The following MEI4 variants were observed in gnomAD, a reference collection of about 807,000 sequenced individuals.
MEI4 encodes meiosis-specific protein MEI4.
In MEI4, 27 loss-of-function variants were observed where a neutral mutation model predicts 31.4. That is an observed-to-expected ratio of 0.86 (90% CI 0.63 to 1.19). The LOEUF (loss-of-function observed/expected upper bound fraction) is 1.19. MEI4 is among the 50% of genes most tolerant of loss of function. The pLI is 0.00. For synonymous variants in MEI4, 122 were observed against 145.4 expected (o/e 0.84, Z 1.16); for missense variants, 329 against 398.9 (o/e 0.82, Z 1.49).
chr6:77,682,471 CAG>C (rs1472815378), intron 1 of MEI4, among the ~76,000 whole-genome samples: 6 of 152,266 alleles, frequency 3.9e-5, no homozygotes, highest in Admixed American at 3.3e-4. Context: ...AGAGTAGACT[CAG>C]TGGAAATAGT....
chr6:77,746,440 C>T (rs561956688), intron 2 of MEI4, among the ~76,000 whole-genome samples: 1 of 152,080 alleles, frequency 6.6e-6, no homozygotes, highest in Non-Finnish European at 1.5e-5. Context: ...TGCTCGAATG[C>T]CTTGAGCTGG....
At chr6:77,876,855 G>T (rs1771353574) in intron 4 of MEI4, among the ~76,000 whole-genome samples, 1 of 152,042 alleles carries the variant, frequency 6.6e-6, no homozygotes, top group Admixed American at 6.6e-5. Flanking sequence ...AATGTCTCAG[G>T]CAGTACCTCT....
chr6:77,756,692 CTCTATT>C (rs1227397655), intron 2 of MEI4, among the ~76,000 whole-genome samples: 1 of 151,426 alleles, frequency 6.6e-6, no homozygotes, highest in African/African-American at 2.4e-5. Flanking sequence ...TTCTCCTTCT[CTCTATT>C]TCTATTTCTG....
chr6:77,740,251 T>G (rs1209508846), intron 2 of MEI4, among the ~76,000 whole-genome samples: 4 of 152,228 alleles, frequency 2.6e-5, no homozygotes, highest in Non-Finnish European at 5.9e-5. Flanking sequence ...ATGTGCCATG[T>G]GGTGGCACAT....
chr6:77,892,647 G>T (rs992936374), intron 4 of MEI4, among the ~76,000 whole-genome samples: 1 of 152,170 alleles, frequency 6.6e-6, no homozygotes, highest in Non-Finnish European at 1.5e-5. Flanking sequence ...CCTGGAGGCA[G>T]CCCATTTCCT....
At chr6:77,786,855 A>T (rs1768749833) in intron 3 of MEI4, among the ~76,000 whole-genome samples, 3 of 152,226 alleles carry the variant, frequency 2.0e-5, no homozygotes, top group Non-Finnish European at 2.9e-5. Flanking sequence ...CTCTGTGGAA[A>T]AAAGAATATT....
At chr6:77,654,489 G>A (rs1309113180) in intron 1 of MEI4, among the ~76,000 whole-genome samples, 1 of 150,230 alleles carries the variant, frequency 6.7e-6, no homozygotes, top group Admixed American at 6.6e-5. Flanking sequence ...TTCCTTATCT[G>A]TGGGTTCTTT....
chr6:77,789,183 G>T (rs1445975061), intron 3 of MEI4, among the ~76,000 whole-genome samples: 1 of 152,162 alleles, frequency 6.6e-6, no homozygotes, highest in African/African-American at 2.4e-5. Context: ...AAATGGTGCT[G>T]GGAAAACTGA....
chr6:77,794,783 A>C (rs1193360341), intron 3 of MEI4, among the ~76,000 whole-genome samples: 1 of 152,182 alleles, frequency 6.6e-6, no homozygotes, highest in Non-Finnish European at 1.5e-5. Flanking sequence ...ACAGCAGCAG[A>C]ATACACATTT....
intron 4 of MEI4, among the ~76,000 whole-genome samples, chr6:77,851,355 A>G (rs1437418386): frequency 6.6e-6 from 1 of 152,120 alleles, no homozygotes; most frequent in African/African-American, 2.4e-5. Context: ...TTGCAGCACT[A>G]TTCACAATAG....
chr6:77,911,937 C>G (rs1043030625), intron 4 of MEI4, among the ~76,000 whole-genome samples: 1 of 151,690 alleles, frequency 6.6e-6, no homozygotes, highest in Non-Finnish European at 1.5e-5. Context: ...TCTCTGCTTT[C>G]TTCTAGTTGT....
At chr6:77,667,782 C>T (rs1175770255) in intron 1 of MEI4, among the ~76,000 whole-genome samples, 1 of 151,880 alleles carries the variant, frequency 6.6e-6, no homozygotes, top group Non-Finnish European at 1.5e-5. Context: ...GGATGTATTC[C>T]TCAGAAAGTA....
intron 2 of MEI4, among the ~76,000 whole-genome samples, chr6:77,755,825 G>GGTTGT: frequency 6.9e-6 from 1 of 145,264 alleles, no homozygotes; most frequent in Admixed American, 6.9e-5. Flanking sequence ...GTGCTGGAAT[G>GGTTGT]GTGTGTGTGT....
chr6:77,831,883 CA>C (rs1356697229), intron 4 of MEI4, among the ~76,000 whole-genome samples: 2 of 151,932 alleles, frequency 1.3e-5, no homozygotes, highest in South Asian at 2.1e-4. Flanking sequence ...GAAATTATAA[CA>C]TTTTTTATAT....
intron 2 of MEI4, among the ~76,000 whole-genome samples, chr6:77,745,142 A>G (rs905226431): frequency 1.8e-4 from 28 of 152,270 alleles, no homozygotes; most frequent in African/African-American, 6.5e-4. Context: ...ATGTAAATGG[A>G]CTAAATGCTC....
intron 4 of MEI4, among the ~76,000 whole-genome samples, chr6:77,855,350 A>C (rs1046934785): frequency 6.6e-6 from 1 of 152,188 alleles, no homozygotes. Context: ...ATCTAAAAAA[A>C]AAAAAGACAA....
intron 2 of MEI4, among the ~76,000 whole-genome samples, chr6:77,734,391 A>G (rs1342804160): frequency 1.3e-5 from 2 of 152,018 alleles, no homozygotes; most frequent in Non-Finnish European, 2.9e-5. Context: ...CCATTATGTA[A>G]TGGCCTTCTT....
intron 2 of MEI4, among the ~76,000 whole-genome samples, chr6:77,749,180 G>A (rs905180879): frequency 6.6e-6 from 1 of 152,144 alleles, no homozygotes; most frequent in Non-Finnish European, 1.5e-5. Flanking sequence ...GTGCAAAAAA[G>A]CTGAAGATTC....
chr6:77,886,435 G>GTTTT (rs751562893), intron 4 of MEI4, among the ~76,000 whole-genome samples: 14 of 41,812 alleles, frequency 3.3e-4, no homozygotes, highest in African/African-American at 1.4e-3. Context: ...TTCCAGTTTT[G>GTTTT]TTTTTTTTTT....
Sources: gnomAD v4.1 joint callset for allele counts (sites outside exome capture counted in the v4.1 genomes callset) on GRCh38, gnomAD v4.1.1 for gene constraint, MANE v1.5 for transcripts, NCBI Gene and HGNC (gene_info 2026-07-23, HGNC 2026-07-21) for gene names.